Variants in NRCAM observed in about 807,000 individuals in gnomAD.
NRCAM encodes neuronal cell adhesion molecule, also known as NgCAM-related cell adhesion molecule.
A neutral mutation model predicts 156.5 loss-of-function variants in NRCAM; 83 were observed. The ratio of observed to expected loss-of-function variants is 0.53; its 90% CI spans 0.44 to 0.64. NRCAM has a LOEUF of 0.64. Ranked by LOEUF, NRCAM falls within the 30% of genes least tolerant of loss-of-function variation. NRCAM has a pLI of 0.00. For synonymous variants in NRCAM, 538 were observed against 563.9 expected (o/e 0.95, Z 0.65); for missense variants, 1,417 against 1,597.3 (o/e 0.89, Z 1.92).
intron 20 of NRCAM, among the ~76,000 whole-genome samples, chr7:108,187,142 T>C (rs1338061885): frequency 6.6e-6 from 1 of 152,178 alleles, no homozygotes; most frequent in African/African-American, 2.4e-5. Flanking sequence ...CCCCTCTTGT[T>C]CTTCTATACA....
rs760003867 is a variant in NRCAM at position 108,180,379 on chromosome 7, T to C, written c.2695A>G (p.Ile899Val). 6.2e-7 allele frequency: 1 copy of C among 1,614,242 alleles called. No individual in the cohort carries two copies. The highest frequency in any genetic ancestry group is 2.2e-5 in the East Asian group (1 of 44,890). ...QSSSKRNRRHIEKKILTFQGS... is the reference protein window; with the variant it reads ...QSSSKRNRRHVEKKILTFQGS... ...TGGAAGGTGAGGATCTTTTTCTCAA[T>C]GTGACGTCTGTTTCTTTTAGATGAA... The change falls in exon 25 of 33, where the codon ATT becomes GTT. Residue 899 changes from isoleucine (I) to valine (V), a missense_variant. By Grantham distance (29) the Ile-to-Val change is conservative. This residue lies in a region of NRCAM where 1,238 missense variants were observed against 1,336.4 expected (regional missense o/e 0.93). Coordinates refer to ENST00000379028, the MANE Select transcript of NRCAM (RefSeq NM_001037132.4).
chr7:108,395,591 C>G (rs917040686), intron 2 of NRCAM, among the ~76,000 whole-genome samples: 10 of 152,226 alleles, frequency 6.6e-5, no homozygotes, highest in African/African-American at 2.4e-4. Flanking sequence ...TGGCAACTCA[C>G]CCATGCCTTC....
intron 3 of NRCAM, among the ~76,000 whole-genome samples, chr7:108,276,578 C>A (rs1193671176): frequency 6.7e-6 from 1 of 150,348 alleles, no homozygotes; most frequent in Non-Finnish European, 1.5e-5. Context: ...TTTTTGCTTC[C>A]GTTTGCTTGG....
At chr7:108,190,343 C>T (rs2070451681) in intron 19 of NRCAM, among the ~76,000 whole-genome samples, 1 of 152,126 alleles carries the variant, frequency 6.6e-6, no homozygotes, top group South Asian at 2.1e-4. Flanking sequence ...TGAAGGTGTC[C>T]TAGAAGCATG....
intron 1 of NRCAM, among the ~76,000 whole-genome samples, chr7:108,408,518 C>A (rs528244339): frequency 6.6e-6 from 1 of 152,320 alleles, no homozygotes; most frequent in Admixed American, 6.5e-5. Flanking sequence ...TGGAAGCTTC[C>A]TGCCAGAGGG....
chr7:108,148,759 CTT>C lies in NRCAM; in HGVS notation c.*1149_*1150del, dbSNP rs2039929369. On this transcript the variant is annotated 3_prime_UTR_variant, in exon 33 of 33. Transcript: ENST00000379028. ...TTGTATGCTTTTAGTGTTGGAATAA[CTT>C]AGTTTTAAAATTAATTTTCTAGCAT... The C allele has an allele frequency of 6.6e-6, 1 of 152,498 alleles. No individual in the cohort carries two copies. Among genetic ancestry groups the C allele is most frequent in the Non-Finnish European group, 1.5e-5 (1 of 68,014 alleles). 9.4% of individuals were successfully genotyped at this position (152,498 alleles called of 1,614,324 possible). A position where few individuals can be genotyped will look rare whatever the true frequency, so the allele number is the denominator to read the frequency against.
chr7:108,224,397 G>C (rs1379516381), intron 10 of NRCAM, among the ~76,000 whole-genome samples: 1 of 152,024 alleles, frequency 6.6e-6, no homozygotes, highest in Admixed American at 6.6e-5. Context: ...CAGAGGTCTT[G>C]CAAATATTAT....
At chr7:108,403,973 CT>C (rs2099800393) in intron 1 of NRCAM, among the ~76,000 whole-genome samples, 2 of 152,146 alleles carry the variant, frequency 1.3e-5, no homozygotes, top group African/African-American at 4.8e-5. Flanking sequence ...CACCGAAGGG[CT>C]TTTTAAGTTC....
chr7:108,232,247 AT>A, intron 7 of NRCAM, 78 bp downstream of exon 7: 1 of 1,049,562 alleles, frequency 9.5e-7, no homozygotes, highest in Non-Finnish European at 1.4e-6. Context: ...GTTGAATAGT[AT>A]TTGGATGATG....
intron 14 of NRCAM, among the ~76,000 whole-genome samples, chr7:108,196,550 A>AT (rs1225391978): frequency 3.3e-5 from 5 of 152,216 alleles, no homozygotes; most frequent in African/African-American, 1.2e-4. Context: ...TCAAAAGAAG[A>AT]TATACAAACA....
rs2093443179 is a variant in NRCAM at position 108,226,396 on chromosome 7, G to A, written c.551-18C>T. 1 of 1,596,658 alleles carries A rather than the reference G, an allele frequency of 6.3e-7. No homozygotes were observed. The highest frequency in any genetic ancestry group is 1.3e-5 in the African/African-American group (1 of 74,282). ...TTGAAAGGCTGGAGAAAGGCAGAGA[G>A]ATATCAAGATTATTCCATCATAAAG... On this transcript the variant is annotated intron_variant, in intron 8 of 32. Transcript: ENST00000379028.
chr7:108,221,230 A>G (rs572320370), intron 11 of NRCAM, among the ~76,000 whole-genome samples: 6 of 152,172 alleles, frequency 3.9e-5, no homozygotes, highest in Admixed American at 6.5e-5. Flanking sequence ...TTATCAGGGA[A>G]CACTTCTACA....
chr7:108,393,365 C>T (rs902817061), intron 2 of NRCAM, among the ~76,000 whole-genome samples: 2 of 152,154 alleles, frequency 1.3e-5, no homozygotes, highest in African/African-American at 4.8e-5. Flanking sequence ...CCCTCCGAGC[C>T]AGGTGCCAGA....
At chr7:108,342,603 G>A (rs997223995) in intron 2 of NRCAM, among the ~76,000 whole-genome samples, 15 of 152,168 alleles carry the variant, frequency 9.9e-5, no homozygotes, top group African/African-American at 2.9e-4. Flanking sequence ...GCTTGCCAAC[G>A]GGGCAAGACT....
chr7:108,336,362 T>G (rs186429658), intron 2 of NRCAM, among the ~76,000 whole-genome samples: 1 of 152,304 alleles, frequency 6.6e-6, no homozygotes, highest in East Asian at 1.9e-4. Flanking sequence ...AATAAAATGA[T>G]AAAAAGCACA....
chr7:108,229,088 T>A (rs2153721495), intron 8 of NRCAM, among the ~76,000 whole-genome samples: 1 of 152,310 alleles, frequency 6.6e-6, no homozygotes, highest in South Asian at 2.1e-4. Flanking sequence ...AGAACGTATT[T>A]CCTACAGATA....
At chr7:108,241,554 T>C (rs983375413) in intron 3 of NRCAM, among the ~76,000 whole-genome samples, 3 of 152,192 alleles carry the variant, frequency 2.0e-5, no homozygotes, top group Non-Finnish European at 4.4e-5. Context: ...TTTTACGATG[T>C]CCATCTTTTC....
chr7:108,194,113 C>G lies in NRCAM; in HGVS notation c.1689G>C (p.Val563=), dbSNP rs781368815. The change falls in exon 17 of 33, where the codon GTG becomes GTC. Residue 563 remains valine (V), a synonymous_variant. Coordinates refer to ENST00000379028, the MANE Select transcript of NRCAM (RefSeq NM_001037132.4). ...EYAVVQRGSM[V]SFECKVKHDH... is the part of the protein sequence containing the mutation. Reference sequence around the variant, plus strand: ...CATGTTTCACTTTGCATTCAAAGGACACCATGCTCCCTCTTTGCACAACTG... The same window carrying G: ...CATGTTTCACTTTGCATTCAAAGGAGACCATGCTCCCTCTTTGCACAACTG... 14 of 1,613,982 alleles carry G rather than the reference C, an allele frequency of 8.7e-6. 1 individual carries two copies. In the South Asian group the frequency reaches 1.5e-4, roughly 18 times the overall value.
chr7:108,210,446 T>C (rs2083552084), intron 11 of NRCAM, among the ~76,000 whole-genome samples: 2 of 152,086 alleles, frequency 1.3e-5, no homozygotes, highest in Admixed American at 1.3e-4. Flanking sequence ...TGGGGTTTCA[T>C]TGTTTTAGTC....
Sources: allele counts gnomAD v4.1 joint callset (sites outside exome capture counted in the v4.1 genomes callset), GRCh38; gene constraint gnomAD v4.1.1; regional missense constraint gnomAD v4.1.1; transcripts MANE v1.5; gene names NCBI Gene and HGNC (gene_info 2026-07-23, HGNC 2026-07-21).